Variants in DLGAP2 observed in about 807,000 individuals in gnomAD.
DLGAP2 encodes the protein DLG associated protein 2, also known as disks large-associated protein 2.
In DLGAP2, 26 loss-of-function variants were observed where a neutral mutation model predicts 100.3. That is an observed-to-expected ratio of 0.26 (90% CI 0.19 to 0.36). The LOEUF (loss-of-function observed/expected upper bound fraction) is 0.36, where lower values mean the gene tolerates loss of function less well. DLGAP2 is among the 10% of genes least tolerant of loss of function. DLGAP2 has a pLI of 1.00. For synonymous variants in DLGAP2, 886 were observed against 630.1 expected, an observed-to-expected ratio of 1.41 and a Z score of -6.08; for missense variants, 1,858 against 1,453.2, an observed-to-expected ratio of 1.28 and a Z score of -4.53.
At chr8:1,484,429 G>A (rs1335549309) in intron 3 of DLGAP2, among the ~76,000 whole-genome samples, 9 of 152,252 alleles carry the variant, frequency 5.9e-5, no homozygotes, top group African/African-American at 2.2e-4. Flanking sequence ...AAGGGAAATT[G>A]GAAACCTTCT....
In DLGAP2 at chr8:1,639,188, C is replaced by T. The variant is rs545237207; in HGVS notation, c.1810+6142C>T. On this transcript the variant is annotated intron_variant, in intron 8 of 14. Transcript: ENST00000637795. ...GGTGCGGTCCAGAGCCATGGAGCCA[C>T]CCCCGAACAGGAGGGTATAGAAAGA... Among the ~76,000 whole-genome samples, 7 of 152,300 alleles carry T rather than the reference C, an allele frequency of 4.6e-5. No individual in the cohort carries two copies. In the South Asian group the frequency reaches 1.5e-3, roughly 32 times the overall value.
chr8:1,492,589 G>A (rs898532387), intron 3 of DLGAP2, among the ~76,000 whole-genome samples: 1 of 152,180 alleles, frequency 6.6e-6, no homozygotes, highest in Non-Finnish European at 1.5e-5. Context: ...CCTGCGCGGT[G>A]ACTCCAAGAG....
intron 2 of DLGAP2, among the ~76,000 whole-genome samples, chr8:1,062,480 C>T (rs1803114911): frequency 6.6e-6 from 1 of 152,182 alleles, no homozygotes; most frequent in Non-Finnish European, 1.5e-5. Context: ...TGGCAGGAGG[C>T]TCTCCTCGGT....
At chr8:1,540,680 C>A (rs1039772343) in intron 4 of DLGAP2, among the ~76,000 whole-genome samples, 2 of 152,224 alleles carry the variant, frequency 1.3e-5, no homozygotes, top group Non-Finnish European at 2.9e-5. Flanking sequence ...GGTGTCTTAC[C>A]CCACGGAGGG....
chr8:867,609 G>A (rs551849555), intron 1 of DLGAP2, among the ~76,000 whole-genome samples: 11 of 152,366 alleles, frequency 7.2e-5, no homozygotes, highest in African/African-American at 2.2e-4. Flanking sequence ...GAAGGCTGTG[G>A]ATCTGGGATT....
intron 2 of DLGAP2, among the ~76,000 whole-genome samples, chr8:1,195,051 G>T (rs1197834152): frequency 1.3e-5 from 2 of 152,242 alleles, no homozygotes; most frequent in East Asian, 3.9e-4. Context: ...CGTTTCAGAG[G>T]CGTCCGCCCC....
At chr8:1,080,745 G>A (rs914940036) in intron 2 of DLGAP2, among the ~76,000 whole-genome samples, 4 of 152,210 alleles carry the variant, frequency 2.6e-5, no homozygotes, top group Admixed American at 2.6e-4. Context: ...CTCTGTTCCA[G>A]TTGTGAGTCC....
At chr8:1,041,526 C>T (rs1332095430) in intron 2 of DLGAP2, among the ~76,000 whole-genome samples, 1 of 150,894 alleles carries the variant, frequency 6.6e-6, no homozygotes, top group Non-Finnish European at 1.5e-5. Context: ...TTCTCTGAGC[C>T]CCTTGCCGTG....
chr8:1,214,363 C>T (rs150890897), intron 2 of DLGAP2, among the ~76,000 whole-genome samples: 6 of 152,300 alleles, frequency 3.9e-5, no homozygotes, highest in Admixed American at 1.3e-4. Context: ...GGGTGCTTTC[C>T]AGGGGGAAGA....
rs560195947 is a variant in DLGAP2 at position 1,024,971 on chromosome 8, A to T, written c.73+117005A>T. Among the ~76,000 whole-genome samples, 5 of 152,086 alleles carry T rather than the reference A, an allele frequency of 3.3e-5. No individual in the cohort carries two copies. The East Asian group carries it at 9.7e-4, about 29-fold the overall frequency. On this transcript the variant is annotated intron_variant, in intron 2 of 14. Transcript: ENST00000637795. Reference sequence around the variant, plus strand: ...TTGGTGTGGGTCTCTCCCTTTCGGGAGCGGCTGCCTTTTTCCACAAGAGTA... The same window carrying T: ...TTGGTGTGGGTCTCTCCCTTTCGGGTGCGGCTGCCTTTTTCCACAAGAGTA...
Position 805,810 on chromosome 8 carries a change from C to T in DLGAP2, c.18+67985C>T, listed in dbSNP as rs1276946435. On this transcript the variant is annotated intron_variant, in intron 1 of 14. Coordinates refer to ENST00000637795, the MANE Select transcript of DLGAP2 (RefSeq NM_001346810.2). ...AAGCGCAGGGATTACATGCGTGAGC[C>T]ACCGCACGCAGCCTGCGCTGTGATT... 2.0e-5 allele frequency among the ~76,000 whole-genome samples: 3 copies of T among 152,188 alleles called. No homozygotes were observed. In the East Asian group the frequency reaches 5.8e-4, roughly 29 times the overall value.
chr8:1,603,250 G>C (rs574465620), intron 6 of DLGAP2, among the ~76,000 whole-genome samples: 1 of 150,100 alleles, frequency 6.7e-6, no homozygotes, highest in Non-Finnish European at 1.5e-5. Context: ...TACAGAGGCT[G>C]GTTAGAGTGG....
In DLGAP2 at chr8:1,548,782, T is replaced by A. The variant is rs982183667; in HGVS notation, c.329T>A (p.Leu110Gln). The A allele has an allele frequency of 4.4e-6, 7 of 1,593,170 alleles. No homozygotes were observed. Among genetic ancestry groups the A allele is most frequent in the Non-Finnish European group, 6.0e-6 (7 of 1,172,762 alleles). Residue 110 changes from leucine to glutamine, a missense_variant, in exon 5 of 15, where the codon CTG (leucine) becomes CAG (glutamine). Physicochemically the swap from Leu to Gln is moderately radical, Grantham distance 113 (BLOSUM62 -2). Transcript: ENST00000637795. ...GLAPPEDCEH[L>Q]HHGPDARPPY... ...GCGCCCCCGGAGGACTGCGAGCACC[T>A]GCACCACGGGCCCGACGCGCGGCCG...
chr8:1,207,792 T>C (rs147258653), intron 2 of DLGAP2, among the ~76,000 whole-genome samples: 108 of 152,358 alleles, frequency 7.1e-4, no homozygotes, highest in African/African-American at 2.5e-3. Context: ...CTGTGGTTTT[T>C]TTATTTGCAC....
chr8:1,369,205 C>A (rs1419600165), intron 3 of DLGAP2: 1 of 152,164 alleles, frequency 6.6e-6, no homozygotes, highest in African/African-American at 2.4e-5. Flanking sequence ...GCTGTCATTA[C>A]AAAATTCCAC....
intron 3 of DLGAP2, among the ~76,000 whole-genome samples, chr8:1,342,064 C>G (rs57325144): frequency 6.6e-6 from 1 of 152,210 alleles, no homozygotes; most frequent in South Asian, 2.1e-4. Context: ...GATTCTCTCA[C>G]CTCAGCTTCC....
rs79727853 is a variant in DLGAP2 at position 1,409,307 on chromosome 8, T to C, written c.107-92059T>C. ...TGAAAACCAACTGGAACCAACCAGT[T>C]CCTTCCTCACCATAGCAGGCGCCTG... On this transcript the variant is annotated intron_variant, in intron 3 of 14. Transcript: ENST00000637795. Among the ~76,000 whole-genome samples, 308 of 146,520 alleles carry C rather than the reference T, an allele frequency of 2.1e-3. 9 individuals are homozygous for C. In the East Asian group the frequency reaches 0.027, roughly 13 times the overall value.
At chr8:1,469,586 C>T (rs944774215) in intron 3 of DLGAP2, among the ~76,000 whole-genome samples, 5 of 152,164 alleles carry the variant, frequency 3.3e-5, no homozygotes, top group Admixed American at 2.6e-4. Flanking sequence ...GAACCTCCCA[C>T]GTATTCGTAT....
chr8:1,107,436 G>C (rs1804812681), intron 2 of DLGAP2, among the ~76,000 whole-genome samples: 1 of 152,210 alleles, frequency 6.6e-6, no homozygotes, highest in South Asian at 2.1e-4. Context: ...TCCAAAGGAA[G>C]CGTCTGTGCA....
Sources: gnomAD v4.1 joint callset for allele counts (sites outside exome capture counted in the v4.1 genomes callset) on GRCh38, gnomAD v4.1.1 for gene constraint, MANE v1.5 for transcripts, NCBI Gene and HGNC (gene_info 2026-07-23, HGNC 2026-07-21) for gene names.